The following NUBPL variants were observed in gnomAD, a reference collection of about 807,000 sequenced individuals.
The protein encoded by NUBPL is iron-sulfur cluster transfer protein NUBPL.
Under a neutral mutation model 45.7 loss-of-function variants are expected in NUBPL, and 31 were observed. The observed-to-expected ratio is 0.68, with a 90% CI of 0.51 to 0.92. The LOEUF is 0.92. Ranked by LOEUF, NUBPL falls within the 40% of genes least tolerant of loss-of-function variation. The pLI is 0.00. For synonymous variants in NUBPL, 144 were observed against 140.9 expected (o/e 1.02, Z -0.15); for missense variants, 401 against 398.7 (o/e 1.01, Z -0.05).
chr14:31,858,322 G>A (rs541707625), intron 10 of NUBPL, among the ~76,000 whole-genome samples: 2 of 152,256 alleles, frequency 1.3e-5, no homozygotes, highest in East Asian at 3.9e-4. Context: ...TTTGGGTGGG[G>A]ACACAGCCAA....
chr14:31,789,134 G>A (rs1296746806), intron 7 of NUBPL, among the ~76,000 whole-genome samples: 1 of 152,100 alleles, frequency 6.6e-6, no homozygotes, highest in African/African-American at 2.4e-5. Context: ...AGACCATCCT[G>A]GCTAACATGG....
At chr14:31,766,015 G>A (rs976148786) in intron 6 of NUBPL, among the ~76,000 whole-genome samples, 1 of 152,158 alleles carries the variant, frequency 6.6e-6, no homozygotes, top group Non-Finnish European at 1.5e-5. Flanking sequence ...AATGGAACAG[G>A]CTGAAATTTA....
chr14:31,661,820 G>T (rs1187592638), intron 4 of NUBPL, among the ~76,000 whole-genome samples: 2 of 152,118 alleles, frequency 1.3e-5, no homozygotes, highest in South Asian at 4.1e-4. Flanking sequence ...GATTACAGGC[G>T]TGAGCCACTG....
chr14:31,635,169 C>CT (rs1305509384), intron 4 of NUBPL, among the ~76,000 whole-genome samples: 1 of 150,986 alleles, frequency 6.6e-6, no homozygotes, highest in Non-Finnish European at 1.5e-5. Context: ...TTGCCCATGC[C>CT]TGTGTCCTGA....
At chr14:31,700,280 GTTAA>G (rs1202531519) in intron 6 of NUBPL, among the ~76,000 whole-genome samples, 1 of 152,190 alleles carries the variant, frequency 6.6e-6, no homozygotes, top group African/African-American at 2.4e-5. Context: ...TTTCTTAGTG[GTTAA>G]TTGTTGATAC....
chr14:31,709,703 T>G (rs888620013), intron 6 of NUBPL, among the ~76,000 whole-genome samples: 5 of 152,228 alleles, frequency 3.3e-5, no homozygotes, highest in African/African-American at 1.2e-4. Flanking sequence ...CTTGATCTGC[T>G]TTAAATCAGA....
At chr14:31,785,085 C>T (rs931647627) in intron 6 of NUBPL, among the ~76,000 whole-genome samples, 1 of 152,128 alleles carries the variant, frequency 6.6e-6, no homozygotes, top group African/African-American at 2.4e-5. Context: ...TTCCACCATT[C>T]AATTCTTTCT....
chr14:31,619,401 A>G (rs1306772060), intron 4 of NUBPL, among the ~76,000 whole-genome samples: 1 of 152,174 alleles, frequency 6.6e-6, no homozygotes, highest in Admixed American at 6.5e-5. Flanking sequence ...ACAATTTGGC[A>G]TGTTTTTACA....
At chr14:31,730,503 G>T (rs1018906221) in intron 6 of NUBPL, among the ~76,000 whole-genome samples, 2 of 144,852 alleles carry the variant, frequency 1.4e-5, no homozygotes, top group African/African-American at 5.2e-5. Context: ...TTGCACCGTC[G>T]CCCAGGCTGT....
intron 4 of NUBPL, among the ~76,000 whole-genome samples, chr14:31,658,519 T>G (rs1305690753): frequency 6.8e-6 from 1 of 147,506 alleles, no homozygotes; most frequent in Non-Finnish European, 1.5e-5. Flanking sequence ...TTTAATAGCT[T>G]TTTTTTTTTT....
At chr14:31,740,301 C>T (rs537136101) in intron 6 of NUBPL, among the ~76,000 whole-genome samples, 2 of 152,312 alleles carry the variant, frequency 1.3e-5, no homozygotes, top group East Asian at 3.9e-4. Context: ...GCTCCACATC[C>T]TCACCATCAT....
At chr14:31,805,594 G>T (rs2039670087) in intron 7 of NUBPL, among the ~76,000 whole-genome samples, 1 of 152,020 alleles carries the variant, frequency 6.6e-6, no homozygotes, top group Non-Finnish European at 1.5e-5. Flanking sequence ...CATAAAAAAA[G>T]AATGTTCCTT....
intron 4 of NUBPL, among the ~76,000 whole-genome samples, chr14:31,603,664 G>C (rs1177087221): frequency 6.6e-6 from 1 of 152,148 alleles, no homozygotes; most frequent in African/African-American, 2.4e-5. Context: ...AGACAGTAAA[G>C]ATTCTCCCTA....
intron 7 of NUBPL, among the ~76,000 whole-genome samples, chr14:31,811,287 T>G (rs2039799959): frequency 6.6e-6 from 1 of 152,180 alleles, no homozygotes; most frequent in Non-Finnish European, 1.5e-5. Context: ...GTTCACATAG[T>G]CTCATATTTC....
chr14:31,700,760 C>T (rs2037315621), intron 6 of NUBPL, among the ~76,000 whole-genome samples: 1 of 152,176 alleles, frequency 6.6e-6, no homozygotes, highest in African/African-American at 2.4e-5. Flanking sequence ...TGAATTCTTG[C>T]CGGGCCTCAG....
At position 31,626,772 on chromosome 14, in the gene NUBPL, G is replaced by A. The variant is rs76138992; in HGVS notation, c.382+27393G>A. ...TAAATAGAGCATAACAACATAAAAT[G>A]TTAGAAATGGAAAGTCCTTTGGAGA... is the stretch of plus-strand genomic sequence containing the variant. On this transcript the variant is annotated intron_variant, in intron 4 of 10. Transcript: ENST00000281081. 2.0e-5 allele frequency among the ~76,000 whole-genome samples: 3 copies of A among 152,330 alleles called. No individual in the cohort carries two copies. In the East Asian group the frequency reaches 5.8e-4, roughly 29 times the overall value.
chr14:31,723,079 T>C (rs190112977), intron 6 of NUBPL, among the ~76,000 whole-genome samples: 1 of 152,334 alleles, frequency 6.6e-6, no homozygotes, highest in Non-Finnish European at 1.5e-5. Flanking sequence ...GCTTTTGATA[T>C]TGCATTTAAT....
intron 10 of NUBPL, among the ~76,000 whole-genome samples, chr14:31,853,055 T>C (rs1462591030): frequency 6.6e-6 from 1 of 150,506 alleles, no homozygotes; most frequent in African/African-American, 2.5e-5. Context: ...TTATCCACTT[T>C]AGACTGATAC....
At chr14:31,812,170 T>A (rs919680608) in intron 7 of NUBPL, among the ~76,000 whole-genome samples, 1 of 152,180 alleles carries the variant, frequency 6.6e-6, no homozygotes, top group Non-Finnish European at 1.5e-5. Context: ...ACTGCTCTTT[T>A]CAGAGCTGTC....
Sources: gnomAD v4.1 joint callset for allele counts (sites outside exome capture counted in the v4.1 genomes callset) on GRCh38, gnomAD v4.1.1 for gene constraint, MANE v1.5 for transcripts, NCBI Gene and HGNC (gene_info 2026-07-23, HGNC 2026-07-21) for gene names.